The following PARVA variants were observed in gnomAD, a reference collection of about 807,000 sequenced individuals.
The protein encoded by PARVA is parvin alpha.
In PARVA, 25 loss-of-function variants were observed where a neutral mutation model predicts 52.6. The observed-to-expected ratio is 0.48, with a 90% CI of 0.35 to 0.66. The LOEUF is 0.66. Among genes scored for constraint, PARVA ranks in the 30% least tolerant of loss-of-function variants. The pLI, the probability that PARVA is intolerant of heterozygous loss-of-function variation, is 0.01. For synonymous variants in PARVA, 185 were observed against 179.1 expected (o/e 1.03, Z -0.26); for missense variants, 373 against 450.9 (o/e 0.83, Z 1.56).
rs4756923 is a variant in PARVA, at chr11:12,533,074, T to A, written c.*5149T>A. Among the ~76,000 whole-genome samples, 24 of 152,018 alleles carry A rather than the reference T, an allele frequency of 1.6e-4. No individual in the cohort carries two copies. The highest frequency in any genetic ancestry group is 5.5e-4 in the African/African-American group (23 of 41,444). The stretch of plus-strand genomic sequence containing the variant: ...TGCCCACCCCAACACCAATCTGGTC[T>A]TAGCAACCTCTGGGCATCCCATAGC... On this transcript the variant is annotated 3_prime_UTR_variant, in exon 13 of 13. Transcript: ENST00000334956.
chr11:12,450,431 C>A (rs1940606898), intron 1 of PARVA, among the ~76,000 whole-genome samples: 1 of 152,166 alleles, frequency 6.6e-6, no homozygotes, highest in Non-Finnish European at 1.5e-5. Flanking sequence ...CTTGTGTTAA[C>A]CCCACTATTG....
chr11:12,438,323 G>A (rs1041403473), intron 1 of PARVA, among the ~76,000 whole-genome samples: 19 of 151,798 alleles, frequency 1.3e-4, no homozygotes, highest in Admixed American at 1.2e-3. Context: ...GTGGAGGCTA[G>A]GAAGTACAAG....
chr11:12,505,692 A>G (rs1055568530), intron 6 of PARVA, among the ~76,000 whole-genome samples: 2 of 152,200 alleles, frequency 1.3e-5, no homozygotes, highest in Admixed American at 6.5e-5. Flanking sequence ...TGTCTCAAAC[A>G]TGGCACTAAG....
intron 1 of PARVA, among the ~76,000 whole-genome samples, chr11:12,465,923 A>G (rs1162215851): frequency 6.6e-6 from 1 of 152,248 alleles, no homozygotes; most frequent in African/African-American, 2.4e-5. Context: ...TTTGTAAGAA[A>G]ACACCAAAGT....
At chr11:12,416,989 C>G (rs928052768) in intron 1 of PARVA, among the ~76,000 whole-genome samples, 4 of 152,082 alleles carry the variant, frequency 2.6e-5, no homozygotes, top group Non-Finnish European at 5.9e-5. Flanking sequence ...CTTTTAAATG[C>G]CCCTGAGTCA....
chr11:12,461,341 G>A (rs1439203111), intron 1 of PARVA, among the ~76,000 whole-genome samples: 1 of 152,096 alleles, frequency 6.6e-6, no homozygotes, highest in African/African-American at 2.4e-5. Context: ...TCTCCCCAAG[G>A]CCGTTACAAA....
intron 5 of PARVA, among the ~76,000 whole-genome samples, chr11:12,497,295 G>T (rs1395077239): frequency 2.0e-5 from 3 of 152,086 alleles, no homozygotes; most frequent in Admixed American, 2.0e-4. Context: ...GGATTCCAAA[G>T]TTTATTGTAA....
At chr11:12,439,768 A>G (rs1483246489) in intron 1 of PARVA, among the ~76,000 whole-genome samples, 1 of 151,842 alleles carries the variant, frequency 6.6e-6, no homozygotes, top group African/African-American at 2.4e-5. Flanking sequence ...CTTGTTCCCT[A>G]CAGGAGCAAA....
chr11:12,413,398 A>T (rs11022346), intron 1 of PARVA, among the ~76,000 whole-genome samples: 1 of 152,028 alleles, frequency 6.6e-6, no homozygotes, highest in Non-Finnish European at 1.5e-5. Flanking sequence ...AGGCATTACA[A>T]GTACATCCAT....
intron 1 of PARVA, among the ~76,000 whole-genome samples, chr11:12,454,850 T>C (rs953843206): frequency 2.0e-5 from 3 of 152,236 alleles, no homozygotes; most frequent in Non-Finnish European, 1.5e-5. Context: ...TATATTCATG[T>C]AAAAAAATTA....
intron 4 of PARVA, chr11:12,478,480 A>C (rs113986134): frequency 4.6e-5 from 10 of 215,074 alleles, no homozygotes; most frequent in African/African-American, 2.1e-4. Context: ...CTTAGTGTTG[A>C]AAGGACAAAT....
Position 12,473,819 on chromosome 11 carries a change from G to T in PARVA, c.211G>T (p.Glu71Ter). The T allele has an allele frequency of 6.4e-7, 1 of 1,571,126 alleles. No homozygotes were observed. Among genetic ancestry groups the T allele is most frequent in the East Asian group, 2.4e-5 (1 of 42,354 alleles). ...LSPIPFELDP[E>*]DTMLEENEVR... ...CCCAATTCCCTTTGAGCTGGACCCCGAGGACACGATGCTGGGTAACTGTGC... is the reference window on the plus strand; with the variant it reads ...CCCAATTCCCTTTGAGCTGGACCCCTAGGACACGATGCTGGGTAACTGTGC... The change falls in exon 2 of 13, where the codon GAG (glutamate) becomes TAG (stop). Residue 71 changes from glutamate (E) to a stop codon, truncating the protein, a stop_gained. Coordinates refer to ENST00000334956, the MANE Select transcript of PARVA (RefSeq NM_018222.5). LOFTEE classifies it high-confidence loss of function.
intron 1 of PARVA, among the ~76,000 whole-genome samples, chr11:12,447,626 G>A (rs1420090877): frequency 2.6e-5 from 4 of 152,166 alleles, no homozygotes; most frequent in African/African-American, 4.8e-5. Context: ...TTCATCTTCT[G>A]TGTGACCTGA....
In PARVA at chr11:12,477,665, T is replaced by C. The variant is rs541762715; in HGVS notation, c.298-182T>C. ...CAGGAGGTTGAGGCAGGAAGATCAC[T>C]TGAGCCCAGGAGTTTAAGTCCAGCC... is the stretch of plus-strand genomic sequence containing the variant. On this transcript the variant is annotated intron_variant, in intron 3 of 12. Coordinates refer to ENST00000334956, the MANE Select transcript of PARVA (RefSeq NM_018222.5). Among the ~76,000 whole-genome samples the C allele has an allele frequency of 5.3e-5, 8 of 152,266 alleles. No individual in the cohort carries two copies. In the South Asian group the frequency reaches 1.7e-3, roughly 32 times the overall value.
intron 1 of PARVA, among the ~76,000 whole-genome samples, chr11:12,410,715 C>T (rs1426704158): frequency 6.6e-6 from 1 of 152,006 alleles, no homozygotes; most frequent in Non-Finnish European, 1.5e-5. Context: ...AGTTCCTCCT[C>T]CAGTGGAAAA....
intron 3 of PARVA, among the ~76,000 whole-genome samples, chr11:12,475,327 C>A (rs1940996636): frequency 1.3e-5 from 2 of 152,226 alleles, no homozygotes; most frequent in Non-Finnish European, 1.5e-5. Context: ...ATGGCTCAAC[C>A]ACTCCACGGC....
chr11:12,470,754 C>T (rs1940922744), intron 1 of PARVA, among the ~76,000 whole-genome samples: 1 of 152,152 alleles, frequency 6.6e-6, no homozygotes, highest in African/African-American at 2.4e-5. Context: ...AAAACCTCAG[C>T]TCCTACCTAT....
chr11:12,527,988 C>A lies in PARVA; in HGVS notation c.*63C>A. Reference sequence around the variant, plus strand: ...GCTGTTGGCGTACTGGACCCTCCTCCGAACTGCCTTACCCTGCTTATTCCT... The same window carrying A: ...GCTGTTGGCGTACTGGACCCTCCTCAGAACTGCCTTACCCTGCTTATTCCT... On this transcript the variant is annotated 3_prime_UTR_variant, in exon 13 of 13. Coordinates refer to ENST00000334956, the MANE Select transcript of PARVA (RefSeq NM_018222.5). 8.7e-7 allele frequency: 1 copy of A among 1,144,314 alleles called. No homozygotes were observed. The highest frequency in any genetic ancestry group is 1.3e-6 in the Non-Finnish European group (1 of 752,644). 70.9% of individuals were successfully genotyped at this position (1,144,314 alleles called of 1,614,324 possible). A position where few individuals can be genotyped will look rare whatever the true frequency, so the allele number is the denominator to read the frequency against.
chr11:12,520,930 C>T (rs1039238232), intron 12 of PARVA, among the ~76,000 whole-genome samples: 1 of 152,128 alleles, frequency 6.6e-6, no homozygotes, highest in Admixed American at 6.5e-5. Flanking sequence ...AAGTGAGACC[C>T]TGTCTCAAAG....
Sources: gnomAD v4.1 joint callset for allele counts (sites outside exome capture counted in the v4.1 genomes callset) on GRCh38, gnomAD v4.1.1 for gene constraint, MANE v1.5 for transcripts, NCBI Gene and HGNC (gene_info 2026-07-23, HGNC 2026-07-21) for gene names.